The following DGKK variants were observed in gnomAD, a reference collection of about 807,000 sequenced individuals.
DGKK encodes the protein 142 kDa diacylglycerol kinase.
DGKK carries 35 observed loss-of-function variants against 92.2 expected under a neutral mutation model. That is an observed-to-expected ratio of 0.38 (90% CI 0.29 to 0.50). The LOEUF is 0.50. Ranked by LOEUF, DGKK falls within the 20% of genes least tolerant of loss-of-function variation. The probability of loss-of-function intolerance (pLI) is 0.92; values close to 1 mark genes in which losing one functional copy is unlikely to be tolerated. For synonymous variants in DGKK, 368 were observed against 360.6 expected (o/e 1.02, Z -0.23); for missense variants, 910 against 992.2 (o/e 0.92, Z 1.11).
At chrX:50,390,702 T>C (rs1235736638) in intron 11 of DGKK, among the ~76,000 whole-genome samples, 1 of 111,777 alleles carries the variant, frequency 8.9e-6, no homozygotes, top group Non-Finnish European at 1.9e-5. Context: ...GAGGTGCTTT[T>C]GTACAATACA....
intron 1 of DGKK, among the ~76,000 whole-genome samples, chrX:50,459,273 C>T: frequency 9.0e-6 from 1 of 111,100 alleles, no homozygotes; most frequent in African/African-American, 3.3e-5. Context: ...TTATTGAACA[C>T]TTAACAGACA....
At position 50,376,133 on chromosome X, in the gene DGKK, A is replaced by G. The variant is rs1557223822; in HGVS notation, c.3305T>C (p.Val1102Ala). Residue 1102 changes from valine to alanine, a missense_variant, in exon 24 of 28, where the codon GTG becomes GCG. Coordinates refer to ENST00000611977, the MANE Select transcript of DGKK (RefSeq NM_001013742.4). ...LNDLSKIHQH[V>A]SVLMGSVNAS... ...ATTCACAGAACCCATGAGGACAGAC[A>G]CATGCTGGTGGATCTTGCTCAGGTC... 2 of 1,211,356 alleles carry G rather than the reference A, an allele frequency of 1.7e-6. No individual in the cohort carries two copies. Among genetic ancestry groups the G allele is most frequent in the Admixed American group, 2.2e-5 (1 of 46,025 alleles).
At chrX:50,459,438 A>T in intron 1 of DGKK, among the ~76,000 whole-genome samples, 1 of 111,043 alleles carries the variant, frequency 9.0e-6, no homozygotes. Context: ...AAATTCAAAA[A>T]GTTCAGTGCC....
At chrX:50,408,521 G>A (rs1925222258) in intron 4 of DGKK, among the ~76,000 whole-genome samples, 1 of 110,808 alleles carries the variant, frequency 9.0e-6, no homozygotes, top group African/African-American at 3.3e-5. Context: ...TGGGACTACA[G>A]GCGCCCGCCA....
chrX:50,462,341 T>C (rs1350722793), intron 1 of DGKK, among the ~76,000 whole-genome samples: 1 of 109,129 alleles, frequency 9.2e-6, no homozygotes, highest in Non-Finnish European at 1.9e-5. Context: ...ATAGTACCTT[T>C]TCTTTGTACA....
At position 50,451,015 on chromosome X, in the gene DGKK, C is replaced by T. The variant is rs902575474; in HGVS notation, c.645+19019G>A. On this transcript the variant is annotated intron_variant, in intron 1 of 27. Transcript: ENST00000611977. ...TTTGTTATGCTGCAATCTCAAGTTA[C>T]AAGGCCATCCTAGGAAAATATAGTT... Among the ~76,000 whole-genome samples the T allele has an allele frequency of 1.8e-4, 20 of 111,609 alleles. 1 individual carries two copies. The Admixed American group carries it at 1.9e-3, about 11-fold the overall frequency.
rs782679513 is a variant in DGKK at position 50,368,843 on chromosome X, T to G, written c.*97A>C. On this transcript the variant is annotated 3_prime_UTR_variant, in exon 28 of 28. Transcript: ENST00000611977. ...GGAGGGTCTTTCTTGGTGGTGCTCATGTTTGTTCTGAAATGATTTAGTCTA... is the reference window on the plus strand; with the variant it reads ...GGAGGGTCTTTCTTGGTGGTGCTCAGGTTTGTTCTGAAATGATTTAGTCTA... 7.2e-6 allele frequency: 5 copies of G among 691,525 alleles called. No individual in the cohort carries two copies. The East Asian group carries it at 1.0e-4, about 14-fold the overall frequency. The allele number at this position is 691,525 out of a possible 1,213,427, so 57.0% of individuals were successfully genotyped here. A position where few individuals can be genotyped will look rare whatever the true frequency, so the allele number is the denominator to read the frequency against.
At chrX:50,461,697 C>T (rs782235606) in intron 1 of DGKK, among the ~76,000 whole-genome samples, 14 of 111,953 alleles carry the variant, frequency 1.3e-4, no homozygotes, top group Admixed American at 2.8e-4. Context: ...GTAGTCTCAT[C>T]CATGTGGTTT....
At chrX:50,375,168 T>G (rs1924239900) in intron 24 of DGKK, 111 bp from the exon 25 acceptor site, 1 of 532,118 alleles carries the variant, frequency 1.9e-6, no homozygotes, top group African/African-American at 2.3e-5. Flanking sequence ...GCTAGTAGGA[T>G]GTGGCTATAG....
chrX:50,370,114 T>C (rs1211119774), intron 27 of DGKK, among the ~76,000 whole-genome samples: 1 of 112,337 alleles, frequency 8.9e-6, no homozygotes, highest in African/African-American at 3.2e-5. Context: ...CAAAAGTGTT[T>C]AGATAGGCCA....
chrX:50,468,894 T>C (rs889139306), intron 1 of DGKK, among the ~76,000 whole-genome samples: 1 of 109,430 alleles, frequency 9.1e-6, no homozygotes, highest in Non-Finnish European at 1.9e-5. Flanking sequence ...TGCGCGCGCG[T>C]GTGTATGTCT....
At chrX:50,442,292 A>C (rs1294394045) in intron 1 of DGKK, among the ~76,000 whole-genome samples, 1 of 112,016 alleles carries the variant, frequency 8.9e-6, no homozygotes, top group African/African-American at 3.2e-5. Context: ...AGCATAAAAC[A>C]CATTCCAAAA....
intron 8 of DGKK, among the ~76,000 whole-genome samples, chrX:50,400,673 T>C (rs940406963): frequency 8.9e-6 from 1 of 111,982 alleles, no homozygotes; most frequent in East Asian, 2.8e-4. Flanking sequence ...TTGGTGTTTG[T>C]TTCCATTTTA....
intron 7 of DGKK, among the ~76,000 whole-genome samples, chrX:50,402,621 T>C (rs1215930385): frequency 1.8e-5 from 2 of 111,378 alleles, no homozygotes; most frequent in African/African-American, 6.5e-5. Context: ...TTGGAAGGAA[T>C]AAATGAGATC....
In DGKK at chrX:50,437,503, A is replaced by G. The variant is rs1297798311; in HGVS notation, c.646-13145T>C. On this transcript the variant is annotated intron_variant, in intron 1 of 27. Coordinates refer to ENST00000611977, the MANE Select transcript of DGKK (RefSeq NM_001013742.4). Reference sequence around the variant, plus strand: ...TCCTAAATGGCCACTAACTACAGTAATCAAATTCTAACACCTACCAGCCAG... The same window carrying G: ...TCCTAAATGGCCACTAACTACAGTAGTCAAATTCTAACACCTACCAGCCAG... Among the ~76,000 whole-genome samples, 4 of 112,246 alleles carry G rather than the reference A, an allele frequency of 3.6e-5. No homozygotes were observed. The South Asian group carries it at 1.1e-3, about 31-fold the overall frequency.
At chrX:50,462,985 C>T (rs1307409979) in intron 1 of DGKK, among the ~76,000 whole-genome samples, 3 of 98,252 alleles carry the variant, frequency 3.1e-5, no homozygotes, top group Non-Finnish European at 4.1e-5. Context: ...ACATACCCAC[C>T]ACCCCCCCCA....
At chrX:50,459,607 A>C (rs1557233156) in intron 1 of DGKK, among the ~76,000 whole-genome samples, 1 of 111,047 alleles carries the variant, frequency 9.0e-6, no homozygotes, top group East Asian at 2.9e-4. Context: ...CATCCAAAAA[A>C]ACAAACAAAA....
intron 1 of DGKK, among the ~76,000 whole-genome samples, chrX:50,464,319 A>C (rs1926838956): frequency 1.1e-5 from 1 of 90,411 alleles, no homozygotes; most frequent in Non-Finnish European, 2.2e-5. Flanking sequence ...GTATTTTAAG[A>C]ATAAGGTTTA....
chrX:50,417,848 A>C (rs1372583166), intron 4 of DGKK, among the ~76,000 whole-genome samples: 1 of 110,866 alleles, frequency 9.0e-6, no homozygotes. Flanking sequence ...CTTTGAACAC[A>C]TTGCAAATCT....
Sources: allele counts gnomAD v4.1 joint callset (sites outside exome capture counted in the v4.1 genomes callset), GRCh38; gene constraint gnomAD v4.1.1; transcripts MANE v1.5; gene names NCBI Gene and HGNC (gene_info 2026-07-23, HGNC 2026-07-21).